Variants in SYNDIG1 observed in about 807,000 individuals in gnomAD.
SYNDIG1 encodes the protein synapse differentiation inducing 1.
A neutral mutation model predicts 19.4 loss-of-function variants in SYNDIG1; 9 were observed. The observed-to-expected ratio is 0.46, with a 90% CI of 0.28 to 0.81. SYNDIG1 has a LOEUF of 0.81. Ranked by LOEUF, SYNDIG1 falls within the 30% of genes least tolerant of loss-of-function variation. The pLI is 0.12. For synonymous variants in SYNDIG1, 141 were observed against 145.9 expected, an observed-to-expected ratio of 0.97 and a Z score of 0.24; for missense variants, 311 against 343.3, an observed-to-expected ratio of 0.91 and a Z score of 0.74.
At position 24,560,063 on chromosome 20, in the gene SYNDIG1, C is replaced by CTTTTTT. The variant is rs60892856; in HGVS notation, c.480+16509_480+16514dup. The stretch of plus-strand genomic sequence containing the variant: ...TTTTTTTTAACATTTCTCTCCTCTC[C>CTTTTTT]TTTTTTTTTTTTTTTTTTTTTTTTT... On this transcript the variant is annotated intron_variant, in intron 2 of 3. Transcript: ENST00000376862. 1.5e-3 allele frequency among the ~76,000 whole-genome samples: 66 copies of CTTTTTT among 43,048 alleles called. 25 individuals are homozygous for CTTTTTT. The highest frequency in any genetic ancestry group is 3.1e-3 in the African/African-American group (21 of 6,694). 28.2% of individuals were successfully genotyped at this position (43,048 alleles called of 152,430 possible). A position where few individuals can be genotyped will look rare whatever the true frequency, so the allele number is the denominator to read the frequency against.
At chr20:24,573,116 C>G (rs2058171318) in intron 2 of SYNDIG1, among the ~76,000 whole-genome samples, 1 of 152,176 alleles carries the variant, frequency 6.6e-6, no homozygotes, top group Non-Finnish European at 1.5e-5. Context: ...GAGTGGGCAT[C>G]CTGTGAAGAG....
Position 24,618,477 on chromosome 20 carries a change from G to A in SYNDIG1, c.618+33484G>A, listed in dbSNP as rs568211912. On this transcript the variant is annotated intron_variant, in intron 3 of 3. Coordinates refer to ENST00000376862, the MANE Select transcript of SYNDIG1 (RefSeq NM_024893.3). ...ACGGGGCTCAGCCTCTCCTTCTCTT[G>A]TCGGGGTCATTTCTGACCAGACAAA... 9.4e-4 allele frequency among the ~76,000 whole-genome samples: 143 copies of A among 152,268 alleles called. 1 individual carries two copies. The South Asian group carries it at 0.011, about 11-fold the overall frequency.
At chr20:24,585,456 C>T (rs1333902146) in intron 3 of SYNDIG1, among the ~76,000 whole-genome samples, 1 of 152,110 alleles carries the variant, frequency 6.6e-6, no homozygotes, top group Non-Finnish European at 1.5e-5. Flanking sequence ...GATTCCAGTT[C>T]CACAGCAGCC....
At chr20:24,640,106 G>A (rs1489512160) in intron 3 of SYNDIG1, among the ~76,000 whole-genome samples, 1 of 152,062 alleles carries the variant, frequency 6.6e-6, no homozygotes, top group Non-Finnish European at 1.5e-5. Context: ...GGCCAAGGTG[G>A]GCAGATCACT....
At chr20:24,509,220 G>T (rs1344116713) in intron 1 of SYNDIG1, among the ~76,000 whole-genome samples, 1 of 152,168 alleles carries the variant, frequency 6.6e-6, no homozygotes, top group Admixed American at 6.5e-5. Context: ...GTATATGTGT[G>T]TGTGTATTTC....
chr20:24,524,814 C>CT (rs2057087285), intron 1 of SYNDIG1, among the ~76,000 whole-genome samples: 1 of 152,126 alleles, frequency 6.6e-6, no homozygotes, highest in Non-Finnish European at 1.5e-5. Context: ...CTGGCTCTCT[C>CT]TTTACACAGC....
At position 24,480,490 on chromosome 20, in the gene SYNDIG1, C is replaced by T. The variant is rs150967460; in HGVS notation, c.-79+10737C>T. ...AGAAAATAACAAGTGTTGGTAAGGA[C>T]GTTTGGAAATTGGAACCCATGTGCA... On this transcript the variant is annotated intron_variant, in intron 1 of 3. Coordinates refer to ENST00000376862, the MANE Select transcript of SYNDIG1 (RefSeq NM_024893.3). Among the ~76,000 whole-genome samples, 418 of 152,250 alleles carry T rather than the reference C, an allele frequency of 2.7e-3. 1 individual carries two copies. Among genetic ancestry groups the T allele is most frequent in the African/African-American group, 9.8e-3 (405 of 41,536 alleles).
intron 3 of SYNDIG1, among the ~76,000 whole-genome samples, chr20:24,638,564 C>T (rs768988529): frequency 3.3e-5 from 5 of 152,130 alleles, no homozygotes; most frequent in African/African-American, 7.2e-5. Flanking sequence ...GGTTTCACAA[C>T]GTTGCCTAGG....
intron 3 of SYNDIG1, among the ~76,000 whole-genome samples, chr20:24,605,693 A>G (rs188188845): frequency 6.6e-6 from 1 of 151,838 alleles, no homozygotes; most frequent in Admixed American, 6.6e-5. Flanking sequence ...GATTGGATAG[A>G]TTTTTTTTTC....
chr20:24,594,196 AT>A (rs1302748527), intron 3 of SYNDIG1, among the ~76,000 whole-genome samples: 1 of 152,092 alleles, frequency 6.6e-6, no homozygotes, highest in Non-Finnish European at 1.5e-5. Flanking sequence ...TCCATCTTGA[AT>A]TCATTCGTGT....
At chr20:24,508,465 G>A (rs917162438) in intron 1 of SYNDIG1, among the ~76,000 whole-genome samples, 4 of 151,774 alleles carry the variant, frequency 2.6e-5, no homozygotes, top group East Asian at 1.9e-4. Context: ...TGATCTGCCC[G>A]CCTCAGCCTC....
At chr20:24,610,152 A>G (rs1321946830) in intron 3 of SYNDIG1, among the ~76,000 whole-genome samples, 4 of 152,158 alleles carry the variant, frequency 2.6e-5, no homozygotes, top group Admixed American at 2.6e-4. Flanking sequence ...TGCAATTCTC[A>G]CCCAGCTAAT....
chr20:24,584,203 GCTC>G (rs2058375033), intron 2 of SYNDIG1, among the ~76,000 whole-genome samples: 1 of 152,094 alleles, frequency 6.6e-6, no homozygotes, highest in South Asian at 2.1e-4. Context: ...GCCATCCTCT[GCTC>G]CTCAGGAAGC....
intron 1 of SYNDIG1, among the ~76,000 whole-genome samples, chr20:24,525,416 C>T (rs1326054576): frequency 1.3e-5 from 2 of 151,290 alleles, no homozygotes; most frequent in Admixed American, 6.6e-5. Flanking sequence ...TCCCGAGTAG[C>T]TGGAATTACA....
chr20:24,643,389 C>CT (rs1317914346), intron 3 of SYNDIG1, among the ~76,000 whole-genome samples: 1 of 152,032 alleles, frequency 6.6e-6, no homozygotes, highest in East Asian at 1.9e-4. Context: ...TGAGCAGTAA[C>CT]TTTATCAGCT....
intron 1 of SYNDIG1, among the ~76,000 whole-genome samples, chr20:24,496,132 A>AC (rs2056299301): frequency 6.6e-6 from 1 of 152,204 alleles, no homozygotes; most frequent in African/African-American, 2.4e-5. Context: ...AGCGTGAGCC[A>AC]CCAAGCCTGG....
At chr20:24,546,304 G>A (rs542941074) in intron 2 of SYNDIG1, among the ~76,000 whole-genome samples, 1 of 152,262 alleles carries the variant, frequency 6.6e-6, no homozygotes, top group South Asian at 2.1e-4. Context: ...ATAATAAAGG[G>A]TCATGTATTG....
intron 1 of SYNDIG1, among the ~76,000 whole-genome samples, chr20:24,472,416 ATAAAT>A (rs2055494870): frequency 6.6e-6 from 1 of 152,250 alleles, no homozygotes; most frequent in African/African-American, 2.4e-5. Flanking sequence ...TAGCATTGAG[ATAAAT>A]TAAAAGTGCT....
At chr20:24,664,890 A>G (rs1200935598) in intron 3 of SYNDIG1, among the ~76,000 whole-genome samples, 1 of 152,156 alleles carries the variant, frequency 6.6e-6, no homozygotes, top group Non-Finnish European at 1.5e-5. Flanking sequence ...GCACACCTCC[A>G]GTGGGTAGCA....
Sources: gnomAD v4.1 joint callset for allele counts (sites outside exome capture counted in the v4.1 genomes callset) on GRCh38, gnomAD v4.1.1 for gene constraint, MANE v1.5 for transcripts, NCBI Gene and HGNC (gene_info 2026-07-23, HGNC 2026-07-21) for gene names.